Variants in HEMK2 observed in about 807,000 individuals in gnomAD.
The protein encoded by HEMK2 is methyltransferase HEMK2.
the HEMK2 span, among the ~76,000 whole-genome samples, chr21:28,801,712 TA>T: frequency 6.6e-6 from 1 of 152,198 alleles, no homozygotes; most frequent in Non-Finnish European, 1.5e-5. Context: ...AAGATTAGGT[TA>T]AATCATATGA....
chr21:28,826,824 G>C, the HEMK2 span, among the ~76,000 whole-genome samples: 2 of 152,280 alleles, frequency 1.3e-5, no homozygotes, highest in East Asian at 3.9e-4. Flanking sequence ...GCAGTGAATT[G>C]AGTGTCCCAA....
At chr21:28,710,705 T>C in the HEMK2 span, among the ~76,000 whole-genome samples, 4 of 152,290 alleles carry the variant, frequency 2.6e-5, no homozygotes, top group Admixed American at 2.0e-4. Flanking sequence ...GAATGAAATA[T>C]ATGGAGGATG....
chr21:28,755,060 G>C, the HEMK2 span, among the ~76,000 whole-genome samples: 2 of 152,152 alleles, frequency 1.3e-5, no homozygotes, highest in African/African-American at 4.8e-5. Flanking sequence ...GAGTGCTCTA[G>C]GCAAAGGCAG....
At chr21:28,696,698 C>A in the HEMK2 span, among the ~76,000 whole-genome samples, 2 of 152,192 alleles carry the variant, frequency 1.3e-5, no homozygotes, top group African/African-American at 4.8e-5. Flanking sequence ...CCCTTTGGCA[C>A]TGCCCTAGCA....
chr21:28,632,947 C>T, the HEMK2 span, among the ~76,000 whole-genome samples: 1 of 152,154 alleles, frequency 6.6e-6, no homozygotes. Flanking sequence ...TTTCAACTGT[C>T]AACACATCAC....
At chr21:28,817,833 C>T in the HEMK2 span, among the ~76,000 whole-genome samples, 1 of 152,180 alleles carries the variant, frequency 6.6e-6, no homozygotes, top group Non-Finnish European at 1.5e-5. Context: ...TTCCCATTCA[C>T]TAGCTGTATG....
At chr21:28,790,279 C>A in the HEMK2 span, among the ~76,000 whole-genome samples, 1 of 152,134 alleles carries the variant, frequency 6.6e-6, no homozygotes, top group East Asian at 1.9e-4. Context: ...TTTTTTCAAC[C>A]CACTCTCCCA....
At chr21:28,864,245 C>A in the HEMK2 span, among the ~76,000 whole-genome samples, 1 of 152,118 alleles carries the variant, frequency 6.6e-6, no homozygotes, top group Non-Finnish European at 1.5e-5. Context: ...CTTTAACCAC[C>A]CACCTCCTTT....
the HEMK2 span, among the ~76,000 whole-genome samples, chr21:28,676,591 C>A: frequency 6.6e-6 from 1 of 152,158 alleles, no homozygotes; most frequent in South Asian, 2.1e-4. Context: ...GGCCTGCACA[C>A]TGGGAGGAGC....
At chr21:28,703,826 C>T in the HEMK2 span, among the ~76,000 whole-genome samples, 1 of 152,052 alleles carries the variant, frequency 6.6e-6, no homozygotes, top group African/African-American at 2.4e-5. Flanking sequence ...TTCAGAGTTA[C>T]AGAAAAAAAA....
the HEMK2 span, among the ~76,000 whole-genome samples, chr21:28,857,157 G>C: frequency 6.6e-6 from 1 of 152,096 alleles, no homozygotes. Context: ...GAGTTACCCA[G>C]AAGTATGCTT....
chr21:28,633,575 C>A, the HEMK2 span, among the ~76,000 whole-genome samples: 2 of 152,000 alleles, frequency 1.3e-5, no homozygotes, highest in Non-Finnish European at 2.9e-5. Flanking sequence ...TTTTAAATGC[C>A]AAGTATTTTT....
chr21:28,831,490 A>G, the HEMK2 span, among the ~76,000 whole-genome samples: 50 of 73,620 alleles, frequency 6.8e-4, no homozygotes, highest in African/African-American at 3.1e-3. Context: ...AAAGAAAGAA[A>G]GAAAGAAAGA....
chr21:28,693,080 T>A, the HEMK2 span, among the ~76,000 whole-genome samples: 1 of 152,168 alleles, frequency 6.6e-6, no homozygotes, highest in Non-Finnish European at 1.5e-5. Context: ...ATAGTGGTGA[T>A]GATTGCATAA....
the HEMK2 span, among the ~76,000 whole-genome samples, chr21:28,752,695 CT>C: frequency 6.6e-6 from 1 of 152,200 alleles, no homozygotes; most frequent in African/African-American, 2.4e-5. Context: ...GCCTTGTGTC[CT>C]TAGCAAGTCT....
At chr21:28,885,032 A>G in the HEMK2 span, among the ~76,000 whole-genome samples, 2 of 151,988 alleles carry the variant, frequency 1.3e-5, no homozygotes, top group African/African-American at 4.8e-5. Context: ...TCCCCGGCAC[A>G]CTCATTACTT....
At chr21:28,738,192 T>C in the HEMK2 span, among the ~76,000 whole-genome samples, 1 of 152,228 alleles carries the variant, frequency 6.6e-6, no homozygotes, top group Admixed American at 6.5e-5. Context: ...CACTTTGAAC[T>C]TTCTTTCTCA....
the HEMK2 span, among the ~76,000 whole-genome samples, chr21:28,855,297 AAC>A: frequency 6.6e-6 from 1 of 152,256 alleles, no homozygotes; most frequent in Non-Finnish European, 1.5e-5. Flanking sequence ...GATTGAAGTC[AAC>A]AAGAAGAGCT....
the HEMK2 span, among the ~76,000 whole-genome samples, chr21:28,654,172 T>C: frequency 6.6e-6 from 1 of 152,180 alleles, no homozygotes; most frequent in African/African-American, 2.4e-5. Context: ...TCTCACTGTC[T>C]TCTTGAAGGC....
Sources: allele counts gnomAD v4.1 joint callset (sites outside exome capture counted in the v4.1 genomes callset), GRCh38; gene constraint gnomAD v4.1.1; transcripts MANE v1.5; gene names NCBI Gene and HGNC (gene_info 2026-07-23, HGNC 2026-07-21).